The following ITPR1 variants were observed in gnomAD, a reference collection of about 807,000 sequenced individuals.
ITPR1 encodes inositol 1,4,5-trisphosphate-gated calcium channel ITPR1.
In ITPR1, 96 loss-of-function variants were observed where a neutral mutation model predicts 318.4. The observed-to-expected ratio is 0.30, with a 90% CI of 0.26 to 0.36. ITPR1 has a LOEUF of 0.36. Among genes scored for constraint, ITPR1 ranks in the 10% least tolerant of loss-of-function variants. ITPR1 has a pLI of 1.00. For synonymous variants in ITPR1, 1,312 were observed against 1,289.9 expected (o/e 1.02, Z -0.37); for missense variants, 2,440 against 3,460.2 (o/e 0.71, Z 7.40).
At chr3:4,653,296 C>A (rs2093637613) in intron 11 of ITPR1, among the ~76,000 whole-genome samples, 1 of 152,088 alleles carries the variant, frequency 6.6e-6, no homozygotes, top group African/African-American at 2.4e-5. Flanking sequence ...TGTGCTCAGC[C>A]CCCCACGGTG....
At chr3:4,844,652 T>C (rs2051623432) in intron 61 of ITPR1, among the ~76,000 whole-genome samples, 1 of 152,226 alleles carries the variant, frequency 6.6e-6, no homozygotes. Context: ...CTGAGCCGAA[T>C]CTGTGGATAC....
intron 5 of ITPR1, among the ~76,000 whole-genome samples, chr3:4,637,702 A>G (rs896394434): frequency 6.6e-5 from 10 of 152,152 alleles, no homozygotes; most frequent in Non-Finnish European, 1.3e-4. Flanking sequence ...ACCTGTGTGG[A>G]TCATTCCCCT....
intron 3 of ITPR1, 63 bp downstream of exon 3, chr3:4,516,646 A>G (rs1320347673): frequency 3.0e-6 from 3 of 1,009,236 alleles, no homozygotes; most frequent in Admixed American, 4.4e-5. Context: ...TCAGCTTAAA[A>G]CTGTGATTTT....
At chr3:4,576,979 G>A (rs1443069971) in intron 4 of ITPR1, among the ~76,000 whole-genome samples, 2 of 152,164 alleles carry the variant, frequency 1.3e-5, no homozygotes, top group Non-Finnish European at 2.9e-5. Flanking sequence ...GCTAGACCCC[G>A]GGATCCTGCT....
intron 61 of ITPR1, among the ~76,000 whole-genome samples, chr3:4,841,321 T>C (rs1398516895): frequency 6.6e-6 from 1 of 152,134 alleles, no homozygotes; most frequent in Non-Finnish European, 1.5e-5. Flanking sequence ...AGTTTAGCTT[T>C]TATAATCTTA....
intron 4 of ITPR1, among the ~76,000 whole-genome samples, chr3:4,556,515 T>A (rs907797081): frequency 1.1e-4 from 17 of 149,374 alleles, no homozygotes; most frequent in Non-Finnish European, 2.2e-4. Flanking sequence ...TTTTTTTTTA[T>A]CTCCCTAGTT....
At chr3:4,651,108 A>G (rs1304962479) in intron 10 of ITPR1, among the ~76,000 whole-genome samples, 1 of 152,194 alleles carries the variant, frequency 6.6e-6, no homozygotes, top group African/African-American at 2.4e-5. Context: ...GGTGTTCCAC[A>G]TGATCCCTCA....
At chr3:4,526,829 A>G (rs965035960) in intron 4 of ITPR1, among the ~76,000 whole-genome samples, 1 of 152,222 alleles carries the variant, frequency 6.6e-6, no homozygotes, top group Non-Finnish European at 1.5e-5. Context: ...TTTGTACTCC[A>G]TGAGGAAAGA....
chr3:4,788,508 C>A (rs2047346883), intron 52 of ITPR1, among the ~76,000 whole-genome samples: 1 of 152,246 alleles, frequency 6.6e-6, no homozygotes, highest in Non-Finnish European at 1.5e-5. Context: ...ACACTGCTTG[C>A]TGGCTCATTT....
chr3:4,768,923 T>G (rs2046002560), intron 46 of ITPR1, among the ~76,000 whole-genome samples, 159 bp downstream of exon 46: 1 of 151,776 alleles, frequency 6.6e-6, no homozygotes, highest in Middle Eastern at 3.4e-3. Flanking sequence ...TTTTTCTTTT[T>G]TTTTGAGATG....
chr3:4,520,272 A>G (rs1321226227), intron 3 of ITPR1, among the ~76,000 whole-genome samples: 2 of 152,226 alleles, frequency 1.3e-5, no homozygotes, highest in South Asian at 2.1e-4. Context: ...TGGTTCTTCT[A>G]AAAGAATTGT....
intron 40 of ITPR1, among the ~76,000 whole-genome samples, chr3:4,722,915 G>C (rs944023779): frequency 6.6e-6 from 1 of 152,182 alleles, no homozygotes; most frequent in Non-Finnish European, 1.5e-5. Context: ...TTGGGAGCCC[G>C]AGGCAGGCGG....
intron 51 of ITPR1, among the ~76,000 whole-genome samples, chr3:4,787,663 A>C (rs1203511712): frequency 4.6e-5 from 7 of 152,090 alleles, no homozygotes; most frequent in Admixed American, 4.6e-4. Context: ...GCACCACTGC[A>C]CTCTGTCCTG....
At chr3:4,629,594 C>T (rs1181479865) in intron 5 of ITPR1, among the ~76,000 whole-genome samples, 3 of 152,082 alleles carry the variant, frequency 2.0e-5, no homozygotes, top group South Asian at 2.1e-4. Flanking sequence ...AGTAGGTGCT[C>T]GGAAATAATT....
chr3:4,555,537 C>T (rs1037094592), intron 4 of ITPR1, among the ~76,000 whole-genome samples: 2 of 152,050 alleles, frequency 1.3e-5, no homozygotes, highest in Non-Finnish European at 2.9e-5. Flanking sequence ...ATAAATAAAC[C>T]ATGGTATATC....
chr3:4,611,035 C>CCTTCT (rs2092072769), intron 4 of ITPR1, among the ~76,000 whole-genome samples: 1 of 83,422 alleles, frequency 1.2e-5, no homozygotes, highest in South Asian at 5.6e-4. Flanking sequence ...TCCTCCCTCC[C>CCTTCT]TCCCTCCCTC....
chr3:4,694,168 A>G lies in ITPR1; in HGVS notation c.4281+427A>G, dbSNP rs568013703. 2.6e-3 allele frequency among the ~76,000 whole-genome samples: 392 copies of G among 151,836 alleles called. 2 individuals carry two copies. The highest frequency in any genetic ancestry group is 2.6e-3 in the Non-Finnish European group (174 of 67,918). On this transcript the variant is annotated intron_variant, in intron 33 of 61. Transcript: ENST00000649015. ...GGCCATTATAAAAAATTTAGGAACT[A>G]CAGACAATCAATTAAAAAAAAAAAT...
At chr3:4,651,264 G>C (rs1252570241) in intron 10 of ITPR1, among the ~76,000 whole-genome samples, 1 of 152,172 alleles carries the variant, frequency 6.6e-6, no homozygotes, top group Non-Finnish European at 1.5e-5. Context: ...CAAAACTCAA[G>C]GGAGCCTCCT....
intron 10 of ITPR1, among the ~76,000 whole-genome samples, chr3:4,650,176 C>T (rs2093560830): frequency 6.6e-6 from 1 of 152,158 alleles, no homozygotes; most frequent in Non-Finnish European, 1.5e-5. Flanking sequence ...GTGAATAAGT[C>T]ATCTGCTGCT....
Sources: allele counts gnomAD v4.1 joint callset (sites outside exome capture counted in the v4.1 genomes callset), GRCh38; gene constraint gnomAD v4.1.1; transcripts MANE v1.5; gene names NCBI Gene and HGNC (gene_info 2026-07-23, HGNC 2026-07-21).